Variants in P4HA3 observed in about 807,000 individuals in gnomAD.
P4HA3 encodes prolyl 4-hydroxylase subunit alpha 3, also known as prolyl 4-hydroxylase subunit alpha-3.
Under a neutral mutation model 66.7 loss-of-function variants are expected in P4HA3, and 60 were observed. The ratio of observed to expected loss-of-function variants is 0.90; its 90% CI spans 0.73 to 1.12. The LOEUF (loss-of-function observed/expected upper bound fraction) is 1.12, where lower values mean the gene tolerates loss of function less well. Ranked by LOEUF, P4HA3 falls within the 50% of genes most tolerant of loss-of-function variation. P4HA3 has a pLI of 0.00. For missense variants in P4HA3, 683 were observed against 685.8 expected, an observed-to-expected ratio of 1.00 and a Z score of 0.05; for synonymous variants, 263 against 274.6, an observed-to-expected ratio of 0.96 and a Z score of 0.42.
chr11:74,308,900 T>C (rs1358069031), intron 1 of P4HA3, among the ~76,000 whole-genome samples: 12 of 152,254 alleles, frequency 7.9e-5, no homozygotes, highest in Admixed American at 7.8e-4. Flanking sequence ...ACTATTTTTA[T>C]CATCATTTTA....
At chr11:74,291,580 A>G (rs978241623) in intron 4 of P4HA3, among the ~76,000 whole-genome samples, 5 of 152,098 alleles carry the variant, frequency 3.3e-5, no homozygotes, top group South Asian at 2.1e-4. Flanking sequence ...TTGGCTGTGG[A>G]TTTGTCATAG....
chr11:74,287,013 G>T, intron 5 of P4HA3: 1 of 880,822 alleles, frequency 1.1e-6, no homozygotes, highest in Non-Finnish European at 1.4e-6. Context: ...TAGACCCAGA[G>T]CAAAGAAGTA....
At chr11:74,286,945 G>T (rs1030666209) in intron 5 of P4HA3, among the ~76,000 whole-genome samples, 2 of 152,324 alleles carry the variant, frequency 1.3e-5, no homozygotes, top group Admixed American at 6.5e-5. Context: ...CTTCCCCAGA[G>T]AATTGGAAGC....
In P4HA3 at chr11:74,256,966, A is replaced by G. The variant is rs185001309; in HGVS notation, c.*1318+2957T>C. 1.3e-4 allele frequency among the ~76,000 whole-genome samples: 19 copies of G among 151,996 alleles called. No individual in the cohort carries two copies. In the East Asian group the frequency reaches 3.5e-3, roughly 28 times the overall value. ...AGCACCCAATATGTGCCAGGCATCCAATGGACTTTGTAGACAGAGGTAAAT... is the reference window on the plus strand; with the variant it reads ...AGCACCCAATATGTGCCAGGCATCCGATGGACTTTGTAGACAGAGGTAAAT... On this transcript the variant is annotated intron_variant and NMD_transcript_variant, in intron 15 of 15. Coordinates refer to the P4HA3 transcript ENST00000524388.
At chr11:74,296,139 A>T (rs201103413) in intron 4 of P4HA3, among the ~76,000 whole-genome samples, 1 of 152,238 alleles carries the variant, frequency 6.6e-6, no homozygotes, top group Non-Finnish European at 1.5e-5. Context: ...CCACGCACGC[A>T]TTCTGTTAAG....
intron 3 of P4HA3, among the ~76,000 whole-genome samples, chr11:74,301,526 A>C (rs1489427363): frequency 6.6e-6 from 1 of 152,216 alleles, no homozygotes; most frequent in Admixed American, 6.5e-5. Flanking sequence ...AATTTGGAAG[A>C]CTGACTCCCA....
Position 74,277,064 on chromosome 11 carries a change from C to G in P4HA3, c.1256G>C (p.Arg419Pro), listed in dbSNP as rs757444094. Residue 419 changes from arginine (R) to proline (P), a missense_variant, in exon 9 of 13, where the codon CGG becomes CCG. Physicochemically the swap from Arg to Pro is moderately radical, Grantham distance 103. Coordinates refer to ENST00000331597, the MANE Select transcript of P4HA3 (RefSeq NM_182904.5). Reference protein sequence around the residue: ...RIAALTGLDVRPPYAEYLQVV... With the variant: ...RIAALTGLDVPPPYAEYLQVV... ...CTGCAGATACTCTGCATAGGGAGGC[C>G]GGACATCAAGGCCTGTGAGGGCAGC... 2 of 1,614,064 alleles carry G rather than the reference C, an allele frequency of 1.2e-6. No individual in the cohort carries two copies. Among genetic ancestry groups the G allele is most frequent in the Non-Finnish European group, 1.7e-6 (2 of 1,180,010 alleles).
At chr11:74,271,629 G>A (rs1000212695) in intron 10 of P4HA3, among the ~76,000 whole-genome samples, 3 of 151,852 alleles carry the variant, frequency 2.0e-5, no homozygotes, top group Non-Finnish European at 2.9e-5. Context: ...GCCAAGTAGC[G>A]GGGACTACAG....
At chr11:74,251,737 A>G (rs1478724326) in intron 15 of P4HA3, 31 of 1,613,544 alleles carry the variant, frequency 1.9e-5, no homozygotes, top group Non-Finnish European at 2.6e-5. Context: ...ACAAGGGTTT[A>G]AGAACCCAGC....
At chr11:74,290,685 CATT>C (rs1565415977) in intron 4 of P4HA3, among the ~76,000 whole-genome samples, 1 of 152,100 alleles carries the variant, frequency 6.6e-6, no homozygotes, top group Non-Finnish European at 1.5e-5. Flanking sequence ...TTCCCAGCAC[CATT>C]TATTAAATAG....
chr11:74,260,349 A>G (rs576690598), intron 14 of P4HA3, among the ~76,000 whole-genome samples: 5 of 152,260 alleles, frequency 3.3e-5, no homozygotes, highest in Non-Finnish European at 7.4e-5. Flanking sequence ...CAGCAGGATA[A>G]AACCATTCAT....
intron 3 of P4HA3, 110 bp from the exon 4 acceptor site, chr11:74,298,471 T>C (rs1019007908): frequency 2.9e-5 from 37 of 1,286,980 alleles, no homozygotes; most frequent in South Asian, 7.2e-5. Flanking sequence ...CAGGTTTTAA[T>C]TTCAAATTCA....
At chr11:74,276,459 G>C (rs1342589451) in intron 9 of P4HA3, among the ~76,000 whole-genome samples, 1 of 151,932 alleles carries the variant, frequency 6.6e-6, no homozygotes, top group African/African-American at 2.4e-5. Context: ...AGGCTGAGAT[G>C]GGGGGATCAC....
At chr11:74,258,048 T>C (rs575713515) in intron 15 of P4HA3, among the ~76,000 whole-genome samples, 1 of 152,252 alleles carries the variant, frequency 6.6e-6, no homozygotes, top group African/African-American at 2.4e-5. Context: ...CAAAACGCAG[T>C]CACACTCCTC....
At chr11:74,260,381 T>A (rs1591080461) in intron 14 of P4HA3, among the ~76,000 whole-genome samples, 1 of 152,218 alleles carries the variant, frequency 6.6e-6, no homozygotes, top group Non-Finnish European at 1.5e-5. Context: ...CCGCTGACAA[T>A]TCCTGTTCCC....
intron 15 of P4HA3, among the ~76,000 whole-genome samples, chr11:74,254,964 G>C (rs899947118): frequency 7.9e-5 from 12 of 152,158 alleles, no homozygotes; most frequent in African/African-American, 2.9e-4. Context: ...AGGACAATCT[G>C]TGCACTGTCC....
At chr11:74,307,591 T>C (rs1591141967) in intron 1 of P4HA3, among the ~76,000 whole-genome samples, 1 of 152,340 alleles carries the variant, frequency 6.6e-6, no homozygotes, top group Non-Finnish European at 1.5e-5. Context: ...GTTGGCCCTA[T>C]GCCCAGCCTC....
chr11:74,261,811 G>A (rs1859911386), downstream of P4HA3, among the ~76,000 whole-genome samples: 1 of 152,156 alleles, frequency 6.6e-6, no homozygotes. Context: ...TGCAGTCTGT[G>A]CTCATTAAAA....
At chr11:74,278,341 T>C (rs1462986812) in intron 8 of P4HA3, among the ~76,000 whole-genome samples, 1 of 152,138 alleles carries the variant, frequency 6.6e-6, no homozygotes, top group Non-Finnish European at 1.5e-5. Context: ...AGAAGCAGGC[T>C]CAGGGCATGA....
Sources: gnomAD v4.1 joint callset for allele counts (sites outside exome capture counted in the v4.1 genomes callset) on GRCh38, gnomAD v4.1.1 for gene constraint, MANE v1.5 for transcripts, NCBI Gene and HGNC (gene_info 2026-07-23, HGNC 2026-07-21) for gene names.